Variants in PPP2R2B observed in about 807,000 individuals in gnomAD.
PPP2R2B encodes the protein protein phosphatase 2 regulatory subunit Bbeta, also known as serine/threonine-protein phosphatase 2A 55 kDa regulatory subunit B beta isoform.
A neutral mutation model predicts 46.0 loss-of-function variants in PPP2R2B; 5 were observed. That is an observed-to-expected ratio of 0.11 (90% CI 0.06 to 0.23). PPP2R2B has a LOEUF of 0.23. Among genes scored for constraint, PPP2R2B ranks in the 10% least tolerant of loss-of-function variants. The pLI is 1.00. For synonymous variants in PPP2R2B, 215 were observed against 206.7 expected, an observed-to-expected ratio of 1.04 and a Z score of -0.34; for missense variants, 367 against 575.0, an observed-to-expected ratio of 0.64 and a Z score of 3.70.
intron 1 of PPP2R2B, among the ~76,000 whole-genome samples, chr5:146,996,354 A>G (rs1166024816): frequency 6.6e-6 from 1 of 152,188 alleles, no homozygotes; most frequent in African/African-American, 2.4e-5. Flanking sequence ...AGTGTAGGGT[A>G]TAATTAGATA....
intron 2 of PPP2R2B, among the ~76,000 whole-genome samples, chr5:146,836,216 C>T (rs160970): frequency 0.13 from 19,243 of 152,032 alleles, 1,400 homozygotes; most frequent in African/African-American, 0.19. Context: ...TCACTGGTTA[C>T]GTTTTCCAAT....
At chr5:146,914,450 C>T (rs1445131186) in intron 1 of PPP2R2B, 1 of 152,160 alleles carries the variant, frequency 6.6e-6, no homozygotes, top group East Asian at 1.9e-4. Context: ...TAAAGATCAC[C>T]TCCAAAATTA....
chr5:146,908,114 G>A (rs1351619775), intron 1 of PPP2R2B, among the ~76,000 whole-genome samples: 3 of 152,186 alleles, frequency 2.0e-5, no homozygotes, highest in Non-Finnish European at 4.4e-5. Context: ...TTCCTCAAGT[G>A]ACTGGAGGTA....
intron 2 of PPP2R2B, among the ~76,000 whole-genome samples, chr5:146,842,455 A>G (rs1759711625): frequency 1.3e-5 from 2 of 151,028 alleles, no homozygotes. Context: ...AAAAAAAGAC[A>G]TACTTCAAAA....
chr5:147,045,802 C>T (rs1339378897), intron 1 of PPP2R2B, among the ~76,000 whole-genome samples: 1 of 152,156 alleles, frequency 6.6e-6, no homozygotes, highest in Non-Finnish European at 1.5e-5. Flanking sequence ...GCTCCAGCTA[C>T]ATTGGCTTTC....
intron 2 of PPP2R2B, among the ~76,000 whole-genome samples, chr5:146,764,218 G>C (rs1196857540): frequency 6.6e-6 from 1 of 152,214 alleles, no homozygotes; most frequent in African/African-American, 2.4e-5. Flanking sequence ...AGGGACCTGA[G>C]TCTGGAGGGG....
chr5:146,635,338 T>C (rs1180984183), intron 7 of PPP2R2B, among the ~76,000 whole-genome samples: 1 of 149,988 alleles, frequency 6.7e-6, no homozygotes, highest in Non-Finnish European at 1.5e-5. Context: ...TAAACATGTG[T>C]CATGGGTTTT....
chr5:146,783,395 A>T (rs890567910), intron 2 of PPP2R2B, among the ~76,000 whole-genome samples: 3 of 152,178 alleles, frequency 2.0e-5, no homozygotes, highest in African/African-American at 7.2e-5. Context: ...GAATAAAGAG[A>T]TAATAATTTC....
chr5:146,985,672 G>A (rs1580756047), intron 1 of PPP2R2B, among the ~76,000 whole-genome samples: 2 of 152,228 alleles, frequency 1.3e-5, no homozygotes, highest in African/African-American at 2.4e-5. Flanking sequence ...AGACAAACAT[G>A]TCCACTCTCA....
intron 6 of PPP2R2B, among the ~76,000 whole-genome samples, chr5:146,646,450 C>T (rs1000251021): frequency 3.3e-5 from 5 of 152,120 alleles, no homozygotes; most frequent in African/African-American, 1.2e-4. Context: ...ATGTAGTTAG[C>T]CTATTAAGAC....
chr5:146,730,789 C>G (rs1291482905), intron 2 of PPP2R2B, among the ~76,000 whole-genome samples: 5 of 152,090 alleles, frequency 3.3e-5, no homozygotes, highest in Admixed American at 2.0e-4. Flanking sequence ...CTTTTTATTC[C>G]TAGTCTTGGG....
chr5:146,608,579 G>A (rs147993314), intron 7 of PPP2R2B, among the ~76,000 whole-genome samples: 35 of 152,238 alleles, frequency 2.3e-4, no homozygotes, highest in East Asian at 3.9e-4. Context: ...GGTAGATCAC[G>A]AAGTCAGGAG....
chr5:146,681,178 T>G (rs1222686522), intron 5 of PPP2R2B, among the ~76,000 whole-genome samples: 1 of 152,224 alleles, frequency 6.6e-6, no homozygotes, highest in African/African-American at 2.4e-5. Context: ...AAAATCCTAA[T>G]GCATAATGAG....
At chr5:146,629,669 G>C (rs1352402635) in intron 7 of PPP2R2B, among the ~76,000 whole-genome samples, 1 of 151,932 alleles carries the variant, frequency 6.6e-6, no homozygotes. Context: ...CAATGATCTA[G>C]ACCCAGCCTA....
chr5:146,837,696 A>G (rs1759368549), intron 2 of PPP2R2B, among the ~76,000 whole-genome samples: 1 of 152,198 alleles, frequency 6.6e-6, no homozygotes, highest in Non-Finnish European at 1.5e-5. Flanking sequence ...GATATTTTAT[A>G]TATTTTTTTG....
intron 7 of PPP2R2B, among the ~76,000 whole-genome samples, chr5:146,619,519 G>T (rs551444660): frequency 3.9e-5 from 6 of 152,138 alleles, no homozygotes; most frequent in Non-Finnish European, 5.9e-5. Context: ...ACTCTGCTCC[G>T]GCTGAATGCA....
At chr5:146,591,451 T>C (rs1386859677) in intron 9 of PPP2R2B, among the ~76,000 whole-genome samples, 1 of 152,192 alleles carries the variant, frequency 6.6e-6, no homozygotes, top group Non-Finnish European at 1.5e-5. Context: ...TTTGCCTCCA[T>C]GATCTCGTTT....
At chr5:146,674,746 A>G (rs1777594389) in intron 5 of PPP2R2B, among the ~76,000 whole-genome samples, 1 of 152,128 alleles carries the variant, frequency 6.6e-6, no homozygotes, top group African/African-American at 2.4e-5. Context: ...CTCCCTCTCA[A>G]AAGTTCTGGG....
chr5:146,899,291 G>A (rs1224285950), intron 1 of PPP2R2B, among the ~76,000 whole-genome samples: 1 of 148,300 alleles, frequency 6.7e-6, no homozygotes, highest in Non-Finnish European at 1.5e-5. Flanking sequence ...ATACTATGCA[G>A]CCATAAAAAA....
Sources: allele counts gnomAD v4.1 joint callset (sites outside exome capture counted in the v4.1 genomes callset), GRCh38; gene constraint gnomAD v4.1.1; transcripts MANE v1.5; gene names NCBI Gene and HGNC (gene_info 2026-07-23, HGNC 2026-07-21).